ZNF831: variants seen among roughly 807,000 people sequenced by gnomAD.
The protein encoded by ZNF831 is chromosome 20 open reading frame 174.
In ZNF831, 59 loss-of-function variants were observed where a neutral mutation model predicts 95.8. The ratio of observed to expected loss-of-function variants is 0.62; its 90% CI spans 0.50 to 0.77. The LOEUF is 0.77. Among genes scored for constraint, ZNF831 ranks in the 30% least tolerant of loss-of-function variants. The probability of loss-of-function intolerance (pLI) is 0.00; values close to 1 mark genes in which losing one functional copy is unlikely to be tolerated. For synonymous variants in ZNF831, 961 were observed against 925.5 expected (o/e 1.04, Z -0.70); for missense variants, 2,205 against 2,164.0 (o/e 1.02, Z -0.38).
intron 1 of ZNF831, chr20:59,146,107 C>T: frequency 6.6e-6 from 1 of 152,198 alleles, no homozygotes; most frequent in East Asian, 1.9e-4. Flanking sequence ...GCCATTAAAC[C>T]CGAGCCCACA....
intron 2 of ZNF831, among the ~76,000 whole-genome samples, chr20:59,148,275 T>C (rs1458353257): frequency 6.6e-6 from 1 of 151,928 alleles, no homozygotes; most frequent in East Asian, 1.9e-4. Context: ...GGCCTCTCTG[T>C]TGAGGGGGGA....
rs374338957 is a variant in ZNF831 at position 59,193,512 on chromosome 20, C to G, written c.2493C>G (p.His831Gln). The G allele has an allele frequency of 6.2e-7, 1 of 1,609,440 alleles. No homozygotes were observed. The highest frequency in any genetic ancestry group is 1.1e-5 in the South Asian group (1 of 90,256). ...ERKKLKVEDLHSWKQPEPVSA... is the reference protein window; with the variant it reads ...ERKKLKVEDLQSWKQPEPVSA... The stretch of plus-strand genomic sequence containing the variant: ...AGAAGCTGAAAGTGGAGGACCTGCA[C>G]AGCTGGAAGCAACCAGAGCCTGTGA... Residue 831 changes from histidine (H) to glutamine (Q), a missense_variant, in exon 2 of 6, where the codon CAC becomes CAG. Coordinates refer to ENST00000371030, the MANE Select transcript of ZNF831 (RefSeq NM_178457.3).
chr20:59,248,587 G>A (rs1987729494), intron 4 of ZNF831, among the ~76,000 whole-genome samples: 2 of 152,172 alleles, frequency 1.3e-5, no homozygotes, highest in Non-Finnish European at 2.9e-5. Context: ...AAAACAACCT[G>A]TTGGGAAGAC....
rs2146552404 is a variant in ZNF831, at chr20:59,191,712, G to C, written c.693G>C (p.Glu231Asp). The change falls in exon 2 of 6, where the codon GAG becomes GAC. Residue 231 changes from glutamate (E) to aspartate (D), a missense_variant. By Grantham distance (45) the Glu-to-Asp change is conservative (BLOSUM62 2). Transcript: ENST00000371030. ...GEPPRPEGRG[E>D]SRCQGMHEGA... Reference sequence around the variant, plus strand: ...CCCCCAGACCAGAGGGCAGGGGCGAGAGCAGGTGCCAGGGGATGCACGAAG... The same window carrying C: ...CCCCCAGACCAGAGGGCAGGGGCGACAGCAGGTGCCAGGGGATGCACGAAG... The C allele has an allele frequency of 6.3e-7, 1 of 1,575,450 alleles. No individual in the cohort carries two copies. The highest frequency in any genetic ancestry group is 8.6e-7 in the Non-Finnish European group (1 of 1,159,888).
Position 59,152,115 on chromosome 20 carries a change from C to T in ZNF831, c.-1281+5741C>T, listed in dbSNP as rs563482160. Among the ~76,000 whole-genome samples, 5 of 152,294 alleles carry T rather than the reference C, an allele frequency of 3.3e-5. No homozygotes were observed. In the South Asian group the frequency reaches 1.0e-3, roughly 32 times the overall value. On this transcript the variant is annotated intron_variant, in intron 2 of 7. Transcript: ENST00000637017. ...TTCACTAGTCTGTTGCCTGATCAAT[C>T]ATAATAGTTATTAGTCATTGCTGTT...
At chr20:59,209,643 G>A (rs934799716) in intron 4 of ZNF831, among the ~76,000 whole-genome samples, 2 of 152,320 alleles carry the variant, frequency 1.3e-5, no homozygotes, top group Middle Eastern at 3.4e-3. Flanking sequence ...TGCCACAAAG[G>A]TGGTGGCTTT....
chr20:59,202,417 T>G (rs973390230), intron 3 of ZNF831, among the ~76,000 whole-genome samples: 1 of 151,944 alleles, frequency 6.6e-6, no homozygotes, highest in Non-Finnish European at 1.5e-5. Flanking sequence ...CTCTGTTTTA[T>G]ATATTTGCTC....
chr20:59,126,995 C>T (rs1376123961), intron 1 of ZNF831, among the ~76,000 whole-genome samples: 1 of 152,154 alleles, frequency 6.6e-6, no homozygotes, highest in Non-Finnish European at 1.5e-5. Context: ...TGCTGCCCCA[C>T]CCAACTGGTC....
At chr20:59,163,403 T>A (rs1876832707), upstream of ZNF831, among the ~76,000 whole-genome samples, 2 of 152,098 alleles carry the variant, frequency 1.3e-5, no homozygotes, top group South Asian at 4.1e-4. Context: ...GAACAAAATA[T>A]CACCATTTTA....
At chr20:59,128,745 C>T (rs528076614) in intron 1 of ZNF831, among the ~76,000 whole-genome samples, 1 of 152,232 alleles carries the variant, frequency 6.6e-6, no homozygotes, top group Admixed American at 6.5e-5. Context: ...TACTTTAAAA[C>T]ACTTTTTATT....
intron 2 of ZNF831, among the ~76,000 whole-genome samples, chr20:59,149,746 T>G (rs934288618): frequency 2.0e-5 from 3 of 152,186 alleles, no homozygotes; most frequent in Non-Finnish European, 4.4e-5. Context: ...GTTGACACTG[T>G]GTGGATGGCG....
In ZNF831 at chr20:59,176,993, A is replaced by G. The variant is rs150846375; in HGVS notation, c.-37+12786A>G. Among the ~76,000 whole-genome samples, 798 of 135,242 alleles carry G rather than the reference A, an allele frequency of 5.9e-3. 3 individuals carry two copies. The highest frequency in any genetic ancestry group is 0.018 in the Middle Eastern group (5 of 284). 88.7% of individuals were successfully genotyped at this position (135,242 alleles called of 152,430 possible). On this transcript the variant is annotated intron_variant, in intron 1 of 5. Coordinates refer to ENST00000371030, the MANE Select transcript of ZNF831 (RefSeq NM_178457.3). ...ATAAACCTCCAACACAGCCAGGCCCATACTGGAAAGATCTGCCCTTGGCAC... is the reference window on the plus strand; with the variant it reads ...ATAAACCTCCAACACAGCCAGGCCCGTACTGGAAAGATCTGCCCTTGGCAC...
chr20:59,146,105 A>G (rs1979845945), intron 1 of ZNF831: 1 of 151,626 alleles, frequency 6.6e-6, no homozygotes, highest in Non-Finnish European at 1.5e-5. Flanking sequence ...CGGCCATTAA[A>G]CCCGAGCCCA....
Position 59,192,194 on chromosome 20 carries a change from C to A in ZNF831, c.1175C>A (p.Ala392Glu), listed in dbSNP as rs756694854. ...GPGVAGAEPG[A>E]REAGLELEKK... ...GGGGTCGCAGGGGCCGAGCCCGGGG[C>A]GCGAGAAGCCGGCCTGGAGCTGGAG... Residue 392 changes from alanine to glutamate, a missense_variant, in exon 2 of 6, where the codon GCG becomes GAG. Physicochemically the swap from Ala to Glu is moderately radical, Grantham distance 107 (BLOSUM62 -1). Coordinates refer to ENST00000371030, the MANE Select transcript of ZNF831 (RefSeq NM_178457.3). The surrounding 1 kb of genome is among the most constrained non-coding windows in gnomAD (Gnocchi z 5.2). The A allele has an allele frequency of 1.9e-6, 3 of 1,572,206 alleles. No individual in the cohort carries two copies. The highest frequency in any genetic ancestry group is 1.4e-5 in the African/African-American group (1 of 73,820).
intron 2 of ZNF831, among the ~76,000 whole-genome samples, chr20:59,147,738 G>A (rs1196721262): frequency 6.6e-6 from 1 of 152,222 alleles, no homozygotes; most frequent in Non-Finnish European, 1.5e-5. Flanking sequence ...AGTGTAATAT[G>A]TTAGCAAGAA....
chr20:59,253,887 C>CTTT lies in ZNF831; in HGVS notation c.4189-10_4189-8dup. ...CCCCCCACTTTTTTTTTCCTTTGCA[C>CTTT]TTTGTTGCAGGATATTTCTCCATCT... On this transcript the variant is annotated splice_polypyrimidine_tract_variant and intron_variant, in intron 5 of 5. Transcript: ENST00000371030. 5 of 784,968 alleles carry CTTT rather than the reference C, an allele frequency of 6.4e-6. No homozygotes were observed. Among genetic ancestry groups the CTTT allele is most frequent in the South Asian group, 4.4e-5 (2 of 45,782 alleles). 48.6% of individuals were successfully genotyped at this position (784,968 alleles called of 1,614,324 possible). A position where few individuals can be genotyped will look rare whatever the true frequency, so the allele number is the denominator to read the frequency against.
chr20:59,239,452 G>A (rs1663249548), intron 4 of ZNF831, among the ~76,000 whole-genome samples: 2 of 151,872 alleles, frequency 1.3e-5, no homozygotes, highest in African/African-American at 4.8e-5. Flanking sequence ...CATTTTTGAT[G>A]ACAACTGCTT....
rs2146598261 is a variant in ZNF831 at position 59,194,360 on chromosome 20, C to T, written c.3341C>T (p.Pro1114Leu). 1 of 1,612,484 alleles carries T rather than the reference C, an allele frequency of 6.2e-7. No homozygotes were observed. The highest frequency in any genetic ancestry group is 1.1e-5 in the South Asian group (1 of 90,962). The change falls in exon 2 of 6, where the codon CCT becomes CTT. Residue 1114 changes from proline to leucine, a missense_variant. By Grantham distance (98) the Pro-to-Leu change is moderately conservative. Transcript: ENST00000371030. Reference sequence around the variant, plus strand: ...CCTCCTGGGAATGCCCCAGAAGATCCTTCTTCAGGGCCCCTGGTGGGCCCC... The same window carrying T: ...CCTCCTGGGAATGCCCCAGAAGATCTTTCTTCAGGGCCCCTGGTGGGCCCC... ...GEPPGNAPED[P>L]SSGPLVGPDP...
At chr20:59,218,288 T>C (rs1601412527) in intron 4 of ZNF831, among the ~76,000 whole-genome samples, 1 of 152,234 alleles carries the variant, frequency 6.6e-6, no homozygotes, top group Non-Finnish European at 1.5e-5. Flanking sequence ...GTGTTTCTTT[T>C]TTCAAGCTTT....
Sources: gnomAD v4.1 joint callset for allele counts (sites outside exome capture counted in the v4.1 genomes callset) on GRCh38, gnomAD v4.1.1 for gene constraint, Gnocchi (gnomAD v3.1) non-coding constraint, MANE v1.5 for transcripts, NCBI Gene and HGNC (gene_info 2026-07-23, HGNC 2026-07-21) for gene names.